The following TMTC4 variants were observed in gnomAD, a reference collection of about 807,000 sequenced individuals.
TMTC4 encodes transmembrane O-mannosyltransferase targeting cadherins 4, also known as protein O-mannosyl-transferase TMTC4.
TMTC4 carries 65 observed loss-of-function variants against 86.0 expected under a neutral mutation model. The ratio of observed to expected loss-of-function variants is 0.76; its 90% CI spans 0.62 to 0.93. The LOEUF is 0.93. Ranked by LOEUF, TMTC4 falls within the 40% of genes least tolerant of loss-of-function variation. TMTC4 has a pLI of 0.00. For missense variants in TMTC4, 866 were observed against 948.1 expected (o/e 0.91, Z 1.14); for synonymous variants, 379 against 382.5 (o/e 0.99, Z 0.11).
In TMTC4 at chr13:100,674,551, C is replaced by A; in HGVS notation, c.-208+193G>T. 3.1e-6 allele frequency: 3 copies of A among 982,300 alleles called. No homozygotes were observed. In the South Asian group the frequency reaches 1.4e-4, roughly 46 times the overall value. The allele number at this position is 982,300 out of a possible 1,614,324, so 60.8% of individuals were successfully genotyped here. ...TCCCATGTGCGGCTCACACAGGGGC[C>A]CGCGTCCCCCGTGACCCCGGCCCGG... is the stretch of plus-strand genomic sequence containing the variant. On this transcript the variant is annotated intron_variant, in intron 1 of 18. Transcript: ENST00000342624.
chr13:100,633,312 GAAAAAA>G lies in TMTC4; in HGVS notation c.1506+1487_1506+1492del, dbSNP rs10523073. 6.2e-3 allele frequency among the ~76,000 whole-genome samples: 494 copies of G among 79,566 alleles called. 3 individuals carry two copies. The highest frequency in any genetic ancestry group is 0.017 in the African/African-American group (364 of 20,844). The allele number at this position is 79,566 out of a possible 152,430, so 52.2% of individuals were successfully genotyped here. A position where few individuals can be genotyped will look rare whatever the true frequency, so the allele number is the denominator to read the frequency against. ...CAACAGAGCAAGACTCCATCTCAGG[GAAAAAA>G]AAAAAAAAAAAAAAAAAAAAAAAAG... On this transcript the variant is annotated intron_variant, in intron 12 of 18. Transcript: ENST00000342624.
intron 15 of TMTC4, 80 bp from the exon 16 acceptor site, chr13:100,614,510 A>G (rs1878167584): frequency 1.8e-6 from 2 of 1,113,624 alleles, no homozygotes; most frequent in Non-Finnish European, 2.6e-6. Flanking sequence ...AAAAAAAAAA[A>G]AAGAAAGAAA....
intron 5 of TMTC4, 111 bp downstream of exon 5, chr13:100,662,849 AGCTC>A: frequency 9.3e-7 from 1 of 1,078,808 alleles, no homozygotes; most frequent in Non-Finnish European, 1.4e-6. Flanking sequence ...GACTTTCTCC[AGCTC>A]TGGAACCAAG....
At chr13:100,633,301 T>A in intron 12 of TMTC4, among the ~76,000 whole-genome samples, 1 of 100,508 alleles carries the variant, frequency 9.9e-6, no homozygotes, top group African/African-American at 4.1e-5. Flanking sequence ...AGAGCAAGAC[T>A]CCATCTCAGG....
chr13:100,626,043 A>C, intron 13 of TMTC4, 28 bp downstream of exon 13: 1 of 1,613,734 alleles, frequency 6.2e-7, no homozygotes, highest in Non-Finnish European at 8.5e-7. Flanking sequence ...TGTGTACATA[A>C]TTCTTCTGTA....
intron 3 of TMTC4, among the ~76,000 whole-genome samples, chr13:100,666,772 C>G (rs987439854): frequency 6.6e-6 from 1 of 152,202 alleles, no homozygotes; most frequent in African/African-American, 2.4e-5. Flanking sequence ...GTGGGAGCAT[C>G]GCTTCAGGCC....
chr13:100,662,297 C>T (rs1458626198), intron 5 of TMTC4, among the ~76,000 whole-genome samples: 2 of 147,674 alleles, frequency 1.4e-5, no homozygotes, highest in East Asian at 2.2e-4. Context: ...CAGCAGAGTG[C>T]AGGCACCGCT....
chr13:100,671,288 G>T (rs943173133), intron 1 of TMTC4, among the ~76,000 whole-genome samples: 5 of 152,118 alleles, frequency 3.3e-5, no homozygotes, highest in African/African-American at 1.2e-4. Flanking sequence ...GTGTGCCACT[G>T]AGCCTGGATA....
chr13:100,666,226 G>T lies in TMTC4; in HGVS notation c.220-1890C>A, dbSNP rs528299207. 20 of 350,430 alleles carry T rather than the reference G, an allele frequency of 5.7e-5. No homozygotes were observed. The East Asian group carries it at 1.4e-3, about 25-fold the overall frequency. The allele number at this position is 350,430 out of a possible 1,614,324, so 21.7% of individuals were successfully genotyped here. ...ATCATCATCTCAAGGAACAAAAAAG[G>T]CAACTCCACACTGCAAGGAAGCATC... On this transcript the variant is annotated intron_variant, in intron 3 of 18. Coordinates refer to ENST00000342624, the MANE Select transcript of TMTC4 (RefSeq NM_032813.5).
intron 12 of TMTC4, among the ~76,000 whole-genome samples, chr13:100,633,312 G>GAAAA (rs10523073): frequency 1.3e-5 from 1 of 79,572 alleles, no homozygotes; most frequent in African/African-American, 4.8e-5. Context: ...CCATCTCAGG[G>GAAAA]AAAAAAAAAA....
At chr13:100,611,593 C>CA (rs898969114) in intron 17 of TMTC4, among the ~76,000 whole-genome samples, 2 of 151,670 alleles carry the variant, frequency 1.3e-5, no homozygotes, top group Admixed American at 6.6e-5. Context: ...TCAAAAAAAA[C>CA]AAAAAAAATA....
chr13:100,660,993 G>A (rs1662451563), intron 5 of TMTC4, among the ~76,000 whole-genome samples: 1 of 152,154 alleles, frequency 6.6e-6, no homozygotes, highest in South Asian at 2.1e-4. Flanking sequence ...GAGATAACAG[G>A]GGAATGCAGA....
In TMTC4 at chr13:100,626,059, T is replaced by C. The variant is rs772575007; in HGVS notation, c.1586+12A>G. On this transcript the variant is annotated intron_variant, in intron 13 of 18. Coordinates refer to ENST00000342624, the MANE Select transcript of TMTC4 (RefSeq NM_032813.5). Reference sequence around the variant, plus strand: ...GTGTACATAATTCTTCTGTAAGACATACTCGCCATACCTTACAGCTTCCCG... The same window carrying C: ...GTGTACATAATTCTTCTGTAAGACACACTCGCCATACCTTACAGCTTCCCG... 1 of 1,614,178 alleles carries C rather than the reference T, an allele frequency of 6.2e-7. No homozygotes were observed. Among genetic ancestry groups the C allele is most frequent in the South Asian group, 1.1e-5 (1 of 91,076 alleles).
chr13:100,631,286 T>TATAA (rs1348836119), intron 12 of TMTC4, among the ~76,000 whole-genome samples: 1 of 152,230 alleles, frequency 6.6e-6, no homozygotes, highest in African/African-American at 2.4e-5. Flanking sequence ...ACTAATTTGT[T>TATAA]ATAAATATTC....
In TMTC4 at chr13:100,605,086, A is replaced by G. The variant is rs770864263; in HGVS notation, c.2191T>C (p.Ser731Pro). The G allele has an allele frequency of 2.5e-6, 4 of 1,613,942 alleles. No individual in the cohort carries two copies. The highest frequency in any genetic ancestry group is 3.4e-6 in the Non-Finnish European group (4 of 1,180,022). ...GATGCCGTGGGGTCAAGCTGCAAGGAGATTTCATAGTGTTTCTTGGCCAAG... is the reference window on the plus strand; with the variant it reads ...GATGCCGTGGGGTCAAGCTGCAAGGGGATTTCATAGTGTTTCTTGGCCAAG... ...LDLAKKHYEI[S>P]LQLDPTASGT... The change falls in exon 19 of 19, where the codon TCC becomes CCC. Residue 731 changes from serine (S) to proline (P), a missense_variant. Physicochemically the swap from Ser to Pro is moderately conservative, Grantham distance 74. Transcript: ENST00000342624. The surrounding 1 kb of genome is among the most constrained non-coding windows in gnomAD (Gnocchi z 4.3).
intron 6 of TMTC4, among the ~76,000 whole-genome samples, chr13:100,655,039 TGAGACGGA>T (rs1884916097): frequency 1.0e-5 from 1 of 98,654 alleles, no homozygotes; most frequent in Non-Finnish European, 2.3e-5. Flanking sequence ...TTTTTTTTTG[TGAGACGGA>T]GTGTCACTCT....
intron 5 of TMTC4, among the ~76,000 whole-genome samples, chr13:100,659,523 A>G (rs975881293): frequency 2.6e-5 from 4 of 152,120 alleles, no homozygotes; most frequent in Non-Finnish European, 5.9e-5. Context: ...TGAGGAAAAC[A>G]AAAAGGAAAG....
Position 100,614,326 on chromosome 13 carries a change from G to A in TMTC4, c.1941C>T (p.Leu647=), listed in dbSNP as rs1878127869. ...SLAWNNMIIL[L]DNTGNLAQAE... ...TCCAGCTTTCTGTACCTGTATTGTCGAGGAGTATAATCATGTTGTTCCAGG... is the reference window on the plus strand; with the variant it reads ...TCCAGCTTTCTGTACCTGTATTGTCAAGGAGTATAATCATGTTGTTCCAGG... The change falls in exon 16 of 19, where the codon CTC becomes CTT. Residue 647 remains leucine, a synonymous_variant. Coordinates refer to ENST00000342624, the MANE Select transcript of TMTC4 (RefSeq NM_032813.5). 1.9e-6 allele frequency: 3 copies of A among 1,612,484 alleles called. No homozygotes were observed. The highest frequency in any genetic ancestry group is 2.2e-5 in the East Asian group (1 of 44,850).
chr13:100,612,628 TAAG>T (rs1877795354), intron 16 of TMTC4, 118 bp from the exon 17 acceptor site: 6 of 652,934 alleles, frequency 9.2e-6, no homozygotes, highest in South Asian at 7.2e-5. Flanking sequence ...ATAAACTACT[TAAG>T]AAAATCTGTG....
Sources: allele counts gnomAD v4.1 joint callset (sites outside exome capture counted in the v4.1 genomes callset), GRCh38; gene constraint gnomAD v4.1.1; non-coding constraint Gnocchi (gnomAD v3.1); transcripts MANE v1.5; gene names NCBI Gene and HGNC (gene_info 2026-07-23, HGNC 2026-07-21).